NRBP1: variants seen among roughly 807,000 people sequenced by gnomAD.
The protein encoded by NRBP1 is nuclear receptor-binding protein.
In NRBP1, 10 loss-of-function variants were observed where a neutral mutation model predicts 76.0. The observed-to-expected ratio is 0.13, with a 90% CI of 0.08 to 0.22. The LOEUF (loss-of-function observed/expected upper bound fraction) is 0.22. NRBP1 is among the 10% of genes least tolerant of loss of function. The pLI is 1.00. For missense variants in NRBP1, 344 were observed against 646.0 expected (o/e 0.53, Z 5.07); for synonymous variants, 235 against 240.2 (o/e 0.98, Z 0.20).
Position 27,441,549 on chromosome 2 carries a change from C to G in NRBP1, c.1448-18C>G. 2 of 1,614,090 alleles carry G rather than the reference C, an allele frequency of 1.2e-6. No homozygotes were observed. The highest frequency in any genetic ancestry group is 1.7e-6 in the Non-Finnish European group (2 of 1,179,936). ...CTCAGTCCCGTACTGTACTCACCCC[C>G]TCCTGTTTCTTTGTCAGATGAGAAT... On this transcript the variant is annotated intron_variant, in intron 16 of 17. Transcript: ENST00000379852.
chr2:27,430,523 C>T (rs917663732), intron 1 of NRBP1, among the ~76,000 whole-genome samples: 1 of 145,024 alleles, frequency 6.9e-6, no homozygotes, highest in Non-Finnish European at 1.5e-5. Flanking sequence ...GGCTGGAGTG[C>T]AGTGGCGCCA....
chr2:27,428,707 A>G lies in NRBP1; in HGVS notation c.-45A>G, dbSNP rs1342691718. On this transcript the variant is annotated 5_prime_UTR_variant, in exon 1 of 18. Transcript: ENST00000379852. ...GGAACCCGAGCTGGAGCTGAAGCGC[A>G]GGCTGCGGGGCGCGGAGTCGGGAGG... The G allele has an allele frequency of 1.8e-5, 7 of 397,992 alleles. No homozygotes were observed. 24.7% of individuals were successfully genotyped at this position (397,992 alleles called of 1,614,324 possible).
In NRBP1 at chr2:27,437,072, G is replaced by A. The variant is rs752123591; in HGVS notation, c.771G>A (p.Val257=). The change falls in exon 9 of 18, where the codon GTG becomes GTA. Residue 257 remains valine (V), a synonymous_variant. Coordinates refer to ENST00000379852, the MANE Select transcript of NRBP1 (RefSeq NM_013392.4). ...YGEVTNVTTA[V]DIYSFGMCAL... The stretch of plus-strand genomic sequence containing the variant: ...AAGTCACTAATGTGACAACAGCAGT[G>A]GACATCTACTCCTTTGGCATGTGTG... The A allele has an allele frequency of 6.2e-7, 1 of 1,613,668 alleles. No homozygotes were observed. The highest frequency in any genetic ancestry group is 1.3e-5 in the African/African-American group (1 of 74,864).
chr2:27,434,636 G>A, intron 5 of NRBP1, 76 bp downstream of exon 5: 1 of 1,593,878 alleles, frequency 6.3e-7, no homozygotes, highest in South Asian at 1.1e-5. Flanking sequence ...TAATAATGAA[G>A]CTGATCAGGA....
chr2:27,441,806 C>G lies in NRBP1; in HGVS notation c.1602C>G (p.Ser534=). 7 of 1,607,344 alleles carry G rather than the reference C, an allele frequency of 4.4e-6. No homozygotes were observed. The highest frequency in any genetic ancestry group is 6.0e-6 in the Non-Finnish European group (7 of 1,174,358). Residue 534 remains serine (S), a synonymous_variant, in exon 18 of 18, where the codon TCC becomes TCG. Coordinates refer to ENST00000379852, the MANE Select transcript of NRBP1 (RefSeq NM_013392.4). ...TCAACTCAGCCGCTGTCACCGTCTC[C>G]TCTTAGAGCTCACTCGGGCCAGGCC... ...STLNSAAVTV[S]S
intron 1 of NRBP1, among the ~76,000 whole-genome samples, chr2:27,430,930 A>G (rs540654752): frequency 6.6e-6 from 1 of 152,324 alleles, no homozygotes; most frequent in Admixed American, 6.5e-5. Context: ...TTCTTCAAGT[A>G]CCCATGACCC....
chr2:27,441,169 G>A lies in NRBP1; in HGVS notation c.1372G>A (p.Val458Ile), dbSNP rs2148455613. Residue 458 changes from valine (V) to isoleucine (I), a missense_variant, in exon 15 of 18, where the codon GTC becomes ATC. Val to Ile is a conservative substitution (Grantham distance 29, BLOSUM62 3). Transcript: ENST00000379852. ...QCNIESVEEG[V>I]KHHLTLLLKL... ...CAACATTGAGTCGGTGGAGGAGGGA[G>A]TCAAACACCACGTAAGGCTCAGGGC... is the stretch of plus-strand genomic sequence containing the variant. 7 of 1,614,094 alleles carry A rather than the reference G, an allele frequency of 4.3e-6. No individual in the cohort carries two copies. Among genetic ancestry groups the A allele is most frequent in the Non-Finnish European group, 5.9e-6 (7 of 1,180,012 alleles).
intron 1 of NRBP1, among the ~76,000 whole-genome samples, chr2:27,430,475 T>TC (rs1664068435): frequency 8.5e-6 from 1 of 117,160 alleles, no homozygotes; most frequent in South Asian, 2.8e-4. Flanking sequence ...TTTTCTTTTT[T>TC]TTTTTTTTTT....
chr2:27,430,141 A>C (rs1425444807), intron 1 of NRBP1, among the ~76,000 whole-genome samples: 2 of 152,210 alleles, frequency 1.3e-5, no homozygotes, highest in African/African-American at 4.8e-5. Context: ...AGCTGGGATT[A>C]CAGGCATGAG....
At chr2:27,434,902 C>T (rs758914115) in intron 6 of NRBP1, 140 bp downstream of exon 6, 8 of 912,588 alleles carry the variant, frequency 8.8e-6, no homozygotes, top group Admixed American at 2.0e-5. Context: ...AGGGCCCCTA[C>T]GGGTCTTTTA....
chr2:27,433,238 G>T lies in NRBP1; in HGVS notation c.-20-16G>T. On this transcript the variant is annotated splice_polypyrimidine_tract_variant and intron_variant, in intron 1 of 17. Coordinates refer to ENST00000379852, the MANE Select transcript of NRBP1 (RefSeq NM_013392.4). The stretch of plus-strand genomic sequence containing the variant: ...TTCTCTGCCTTTTCCCTCTGTATTT[G>T]CCCCAACCAGTGCAGGCCTGAGTGT... The T allele has an allele frequency of 2.6e-6, 4 of 1,557,782 alleles. No homozygotes were observed. The highest frequency in any genetic ancestry group is 3.5e-6 in the Non-Finnish European group (4 of 1,130,584).
intron 3 of NRBP1, 34 bp from the exon 4 acceptor site, chr2:27,433,955 G>A (rs1309034545): frequency 6.2e-7 from 1 of 1,600,954 alleles, no homozygotes; most frequent in Non-Finnish European, 8.6e-7. Flanking sequence ...AGTGATTTGT[G>A]ACTCTGTTAT....
chr2:27,435,252 C>T (rs1323475373), intron 7 of NRBP1, 25 bp downstream of exon 7: 6 of 1,596,436 alleles, frequency 3.8e-6, no homozygotes, highest in East Asian at 2.2e-5. Context: ...AGGTTCTGGG[C>T]AGGGGAGCCT....
chr2:27,430,109 C>G (rs1354622046), intron 1 of NRBP1, among the ~76,000 whole-genome samples: 1 of 152,218 alleles, frequency 6.6e-6, no homozygotes, highest in Non-Finnish European at 1.5e-5. Flanking sequence ...TCCAGCGATC[C>G]TCCCACTTCA....
At chr2:27,435,067 T>C in intron 6 of NRBP1, 66 bp from the exon 7 acceptor site, 1 of 948,938 alleles carries the variant, frequency 1.1e-6, no homozygotes, top group South Asian at 1.4e-5. Context: ...TTGCTCCTCT[T>C]AACCCTTGGG....
intron 10 of NRBP1, 132 bp from the exon 11 acceptor site, chr2:27,439,634 A>G (rs1408601626): frequency 7.5e-6 from 7 of 927,654 alleles, no homozygotes; most frequent in Non-Finnish European, 9.5e-6. Flanking sequence ...ATTTTTCAAT[A>G]TATTGTTTTC....
Position 27,439,865 on chromosome 2 carries a change from C to T in NRBP1, c.1003C>T (p.Leu335Phe). Residue 335 changes from leucine (L) to phenylalanine (F), a missense_variant, in exon 11 of 18, where the codon CTC becomes TTC. Coordinates refer to ENST00000379852, the MANE Select transcript of NRBP1 (RefSeq NM_013392.4). ...ATTGTTTGAAGTGCCCTCGCTCAAA[C>T]TCCTTGCGGCCCACTGCATTGTGGG... ...PALFEVPSLKLLAAHCIVGHQ... is the reference protein window; with the variant it reads ...PALFEVPSLKFLAAHCIVGHQ... The T allele has an allele frequency of 3.1e-6, 5 of 1,614,208 alleles. No individual in the cohort carries two copies. Among genetic ancestry groups the T allele is most frequent in the Non-Finnish European group, 2.5e-6 (3 of 1,180,032 alleles).
chr2:27,434,349 A>C, intron 4 of NRBP1, 122 bp from the exon 5 acceptor site: 1 of 807,484 alleles, frequency 1.2e-6, no homozygotes, highest in Non-Finnish European at 2.1e-6. Flanking sequence ...ATTTAGTCTA[A>C]GTAAGTAAAG....
Position 27,440,886 on chromosome 2 carries a change from G to T in NRBP1, c.1275G>T (p.Val425=), listed in dbSNP as rs2148455048. 6.2e-7 allele frequency: 1 copy of T among 1,613,970 alleles called. No homozygotes were observed. Among genetic ancestry groups the T allele is most frequent in the Middle Eastern group, 1.7e-4 (1 of 5,986 alleles). Residue 425 remains valine (V), a synonymous_variant, in exon 14 of 18, where the codon GTG becomes GTT. Coordinates refer to ENST00000379852, the MANE Select transcript of NRBP1 (RefSeq NM_013392.4). ...PQQEEVTSPV[V]PPSVKTPTPE... ...AGGAGGAGGTGACATCACCTGTCGT[G>T]CCCCCCTCTGTCAAGACTCCGACAC...
Sources: gnomAD v4.1 joint callset for allele counts (sites outside exome capture counted in the v4.1 genomes callset) on GRCh38, gnomAD v4.1.1 for gene constraint, MANE v1.5 for transcripts, NCBI Gene and HGNC (gene_info 2026-07-23, HGNC 2026-07-21) for gene names.